The following SPTBN2 variants were observed in gnomAD, a reference collection of about 807,000 sequenced individuals.
SPTBN2 encodes the protein spectrin beta chain, non-erythrocytic 2.
A neutral mutation model predicts 284.2 loss-of-function variants in SPTBN2; 107 were observed. The ratio of observed to expected loss-of-function variants is 0.38; its 90% confidence interval spans 0.32 to 0.44. The LOEUF (loss-of-function observed/expected upper bound fraction) is 0.44, where lower values mean the gene tolerates loss of function less well. Among genes scored for constraint, SPTBN2 ranks in the 20% least tolerant of loss-of-function variants. The pLI is 1.00. For synonymous variants in SPTBN2, 1,289 were observed against 1,354.8 expected (o/e 0.95, Z 1.07); for missense variants, 2,569 against 3,287.1 (o/e 0.78, Z 5.34).
chr11:66,744,125 T>G (rs1176169151), intron 1 of SPTBN2, among the ~76,000 whole-genome samples: 1 of 152,144 alleles, frequency 6.6e-6, no homozygotes, highest in Non-Finnish European at 1.5e-5. Flanking sequence ...CCTCCAAAAG[T>G]GCTGGGATGA....
Position 66,691,404 on chromosome 11 carries a change from C to T in SPTBN2, c.5445G>A (p.Ala1815=), listed in dbSNP as rs781339625. 9.3e-6 allele frequency: 15 copies of T among 1,610,704 alleles called. No homozygotes were observed. Among genetic ancestry groups the T allele is most frequent in the South Asian group, 4.4e-5 (4 of 90,948 alleles). ...GCTGCTGCTGCTTGTGCTGCACCCG[C>T]GCCAGGGCTTGGCGTGCCCCGTGCA... ...RFLHGARQAL[A]RVQHKQQQLP... Residue 1815 remains alanine (A), a synonymous_variant, in exon 27 of 38, where the codon GCG becomes GCA. Coordinates refer to ENST00000533211, the MANE Select transcript of SPTBN2 (RefSeq NM_006946.4). The surrounding 1 kb of genome is among the most constrained non-coding windows in gnomAD (Gnocchi z 8.0).
Position 66,741,208 on chromosome 11 carries a change from G to A in SPTBN2, c.-475+3334C>T, listed in dbSNP as rs548826123. The stretch of plus-strand genomic sequence containing the variant: ...TGTGTCATGGGAGGGACCAGGCGGA[G>A]ATAATTCAATCATGGGGGCAGTTTC... On this transcript the variant is annotated intron_variant, in intron 1 of 37. Coordinates refer to the SPTBN2 transcript ENST00000611817. Among the ~76,000 whole-genome samples the A allele has an allele frequency of 1.1e-4, 16 of 152,320 alleles. No homozygotes were observed. In the South Asian group the frequency reaches 3.3e-3, roughly 32 times the overall value.
Position 66,710,703 on chromosome 11 carries a change from G to A in SPTBN2, c.952C>T (p.Leu318=). The change falls in exon 10 of 38, where the codon CTG becomes TTG. Residue 318 remains leucine, a synonymous_variant. Coordinates refer to ENST00000533211, the MANE Select transcript of SPTBN2 (RefSeq NM_006946.4). The surrounding 1 kb of genome is among the most constrained non-coding windows in gnomAD (Gnocchi z 4.9). The part of the protein sequence containing the change: ...EKYESLASEL[L]QWIEQTIVTL... The stretch of plus-strand genomic sequence containing the variant: ...ACGATCGTTTGCTCGATCCACTGCA[G>A]CAGCTCCGAGGCCAGGGACTCGTAT... The A allele has an allele frequency of 6.2e-7, 1 of 1,614,202 alleles. No individual in the cohort carries two copies. The highest frequency in any genetic ancestry group is 8.5e-7 in the Non-Finnish European group (1 of 1,180,036).
intron 3 of SPTBN2, among the ~76,000 whole-genome samples, chr11:66,717,803 C>A (rs1450666843): frequency 6.6e-6 from 1 of 152,162 alleles, no homozygotes; most frequent in Non-Finnish European, 1.5e-5. Context: ...TCACAAGACG[C>A]CCACAGCATC....
At position 66,692,589 on chromosome 11, in the gene SPTBN2, G is replaced by A. The variant is rs754809056; in HGVS notation, c.5137C>T (p.Arg1713Cys). Reference protein sequence around the residue: ...LDDLEQWIQEREVVAASHELG... With the variant: ...LDDLEQWIQECEVVAASHELG... Reference sequence around the variant, plus strand: ...TCGTGGGAGGCCGCCACCACCTCGCGCTCCTGGATCCACTGTTCCAGGTCA... The same window carrying A: ...TCGTGGGAGGCCGCCACCACCTCGCACTCCTGGATCCACTGTTCCAGGTCA... The change falls in exon 26 of 38, where the codon CGC becomes TGC. Residue 1713 changes from arginine to cysteine, a missense_variant. Arg to Cys is a radical substitution (Grantham distance 180). Around this residue, in one of 6 missense-constraint regions of SPTBN2, gnomAD observed 1,130 missense variants for 1,317.3 expected, o/e 0.86. Coordinates refer to ENST00000533211, the MANE Select transcript of SPTBN2 (RefSeq NM_006946.4). 1.5e-5 allele frequency: 24 copies of A among 1,606,354 alleles called. No individual in the cohort carries two copies. The highest frequency in any genetic ancestry group is 1.8e-5 in the Non-Finnish European group (21 of 1,179,962).
At chr11:66,736,297 T>C (rs558542710) in intron 1 of SPTBN2, among the ~76,000 whole-genome samples, 14 of 152,296 alleles carry the variant, frequency 9.2e-5, no homozygotes, top group Non-Finnish European at 1.5e-4. Flanking sequence ...TCGGAGAAAG[T>C]AGAACCGATT....
chr11:66,708,069 G>T lies in SPTBN2; in HGVS notation c.1350+72C>A. 1 of 1,602,176 alleles carries T rather than the reference G, an allele frequency of 6.2e-7. No individual in the cohort carries two copies. Among genetic ancestry groups the T allele is most frequent in the Admixed American group, 1.7e-5 (1 of 59,858 alleles). On this transcript the variant is annotated intron_variant, in intron 12 of 37. Transcript: ENST00000533211. The surrounding 1 kb of genome is among the most constrained non-coding windows in gnomAD (Gnocchi z 4.4). ...GTGTTTCATTGTCTCTCCACCCCGC[G>T]GGGCTTCTTATCCACCCTGTCTCTC... is the stretch of plus-strand genomic sequence containing the variant.
In SPTBN2 at chr11:66,691,276, G is replaced by C. The variant is rs767238765; in HGVS notation, c.5565+8C>G. On this transcript the variant is annotated splice_region_variant and intron_variant, in intron 27 of 37. Coordinates refer to ENST00000533211, the MANE Select transcript of SPTBN2 (RefSeq NM_006946.4). This position sits in a 1 kb window ranked among gnomAD's most constrained non-coding sequence, Gnocchi z 8.0. ...AGCCTCCCCCACCTCCTCATGCTTG[G>C]GTCAGACCTGGGGGCTGAGGGCCTG... The C allele has an allele frequency of 3.3e-6, 5 of 1,523,010 alleles. No individual in the cohort carries two copies. Among genetic ancestry groups the C allele is most frequent in the Non-Finnish European group, 4.4e-6 (5 of 1,133,408 alleles). The allele number at this position is 1,523,010 out of a possible 1,614,324, so 94.3% of individuals were successfully genotyped here. A position where few individuals can be genotyped will look rare whatever the true frequency, so the allele number is the denominator to read the frequency against.
intron 1 of SPTBN2, among the ~76,000 whole-genome samples, chr11:66,724,713 C>T (rs977916540): frequency 1.3e-5 from 2 of 152,188 alleles, no homozygotes; most frequent in African/African-American, 4.8e-5. Flanking sequence ...ACAACCCTGG[C>T]CTTCAAGCAG....
At chr11:66,741,195 G>C (rs1045895070) in intron 1 of SPTBN2, among the ~76,000 whole-genome samples, 1 of 152,158 alleles carries the variant, frequency 6.6e-6, no homozygotes, top group African/African-American at 2.4e-5. Flanking sequence ...TGTCATGGGA[G>C]GGACCAGGCG....
chr11:66,729,378 T>C (rs1590995052), upstream of SPTBN2, among the ~76,000 whole-genome samples: 1 of 152,124 alleles, frequency 6.6e-6, no homozygotes, highest in South Asian at 2.1e-4. Flanking sequence ...GTGAGCTTTG[T>C]ACAGAGCCGT....
At position 66,693,395 on chromosome 11, in the gene SPTBN2, C is replaced by A. The variant is rs1228191843; in HGVS notation, c.4645G>T (p.Glu1549Ter). The A allele has an allele frequency of 6.2e-7, 1 of 1,601,322 alleles. No individual in the cohort carries two copies. The highest frequency in any genetic ancestry group is 8.5e-7 in the Non-Finnish European group (1 of 1,179,918). The change falls in exon 24 of 38, where the codon GAG becomes TAG. Residue 1549 changes from glutamate (E) to a stop codon, truncating the protein, a stop_gained. Transcript: ENST00000533211. LOFTEE classifies it high-confidence loss of function. This position sits in a 1 kb window ranked among gnomAD's most constrained non-coding sequence, Gnocchi z 5.7. ...GHEPRIADLR[E>*]RQRALGAAAA... Reference sequence around the variant, plus strand: ...GCTGCACCTAGAGCACGCTGCCGCTCCCTCAGGTCCGCGATCCGGGGCTCA... The same window carrying A: ...GCTGCACCTAGAGCACGCTGCCGCTACCTCAGGTCCGCGATCCGGGGCTCA...
intron 1 of SPTBN2, among the ~76,000 whole-genome samples, chr11:66,739,682 C>G (rs1247127008): frequency 6.6e-6 from 1 of 152,186 alleles, no homozygotes; most frequent in African/African-American, 2.4e-5. Flanking sequence ...ACTTCTCTTC[C>G]AGTGGACATC....
chr11:66,734,087 G>A (rs1783143121), upstream of SPTBN2, among the ~76,000 whole-genome samples: 1 of 151,102 alleles, frequency 6.6e-6, no homozygotes, highest in Admixed American at 6.6e-5. Context: ...CTCTAATTAT[G>A]CCCTGCTTCT....
Position 66,708,974 on chromosome 11 carries a change from C to T in SPTBN2, c.1119G>A (p.Gln373=), listed in dbSNP as rs913437266. The change falls in exon 11 of 38, where the codon CAG becomes CAA. Residue 373 remains glutamine, a synonymous_variant. Coordinates refer to ENST00000533211, the MANE Select transcript of SPTBN2 (RefSeq NM_006946.4). The surrounding 1 kb of genome is among the most constrained non-coding windows in gnomAD (Gnocchi z 4.4). ...TCTGGTTGTTGGCCCGAAGCTTGCT[C>T]TGGATGGTGAAGAGCAGCACTTCCA... The part of the protein sequence containing the change: ...GNLEVLLFTI[Q]SKLRANNQKV... 14 of 1,613,814 alleles carry T rather than the reference C, an allele frequency of 8.7e-6. No individual in the cohort carries two copies. Among genetic ancestry groups the T allele is most frequent in the Non-Finnish European group, 1.1e-5 (13 of 1,179,972 alleles).
Position 66,685,750 on chromosome 11 carries a change from T to C in SPTBN2, c.*121A>G, listed in dbSNP as rs554283435. ...CCCAGTGACAGTTCCTGGTGATGGG[T>C]TGACCTTGGCAACAGACCCTAGCAG... On this transcript the variant is annotated 3_prime_UTR_variant, in exon 38 of 38. Transcript: ENST00000533211. This position sits in a 1 kb window ranked among gnomAD's most constrained non-coding sequence, Gnocchi z 4.4. The C allele has an allele frequency of 4.4e-4, 401 of 913,204 alleles. No individual in the cohort carries two copies. Among genetic ancestry groups the C allele is most frequent in the Non-Finnish European group, 5.9e-4 (333 of 565,878 alleles). 56.6% of individuals were successfully genotyped at this position (913,204 alleles called of 1,614,324 possible). A position where few individuals can be genotyped will look rare whatever the true frequency, so the allele number is the denominator to read the frequency against.
At position 66,691,097 on chromosome 11, in the gene SPTBN2, G is replaced by A. The variant is rs1382381106; in HGVS notation, c.5565+187C>T. ...CTCCCAAAGTGCTGGGATTACAGGCGAGAGCCACCGCGCCTGGCCAAACAG... is the reference window on the plus strand; with the variant it reads ...CTCCCAAAGTGCTGGGATTACAGGCAAGAGCCACCGCGCCTGGCCAAACAG... On this transcript the variant is annotated intron_variant, in intron 27 of 37. Transcript: ENST00000533211. The surrounding 1 kb of genome is among the most constrained non-coding windows in gnomAD (Gnocchi z 8.0). 6.6e-6 allele frequency among the ~76,000 whole-genome samples: 1 copy of A among 152,144 alleles called. No individual in the cohort carries two copies.
At chr11:66,722,440 G>T (rs1402668414) in intron 1 of SPTBN2, among the ~76,000 whole-genome samples, 1 of 151,900 alleles carries the variant, frequency 6.6e-6, no homozygotes, top group Non-Finnish European at 1.5e-5. Context: ...GCTGGGTGTG[G>T]TGGTGGGTGC....
chr11:66,692,941 A>AGGCTG (rs1158582578), intron 25 of SPTBN2, 29 bp downstream of exon 25: 1 of 1,599,840 alleles, frequency 6.3e-7, no homozygotes, highest in African/African-American at 1.3e-5. Context: ...CTCCACCCCC[A>AGGCTG]GGCTGGGCCG....
Sources: allele counts gnomAD v4.1 joint callset (sites outside exome capture counted in the v4.1 genomes callset), GRCh38; gene constraint gnomAD v4.1.1; regional missense constraint gnomAD v4.1.1; non-coding constraint Gnocchi (gnomAD v3.1); transcripts MANE v1.5; gene names NCBI Gene and HGNC (gene_info 2026-07-23, HGNC 2026-07-21).